Variants in CTIF observed in about 807,000 individuals in gnomAD.
CTIF encodes the protein CBP80/20-dependent translation initiation factor.
Under a neutral mutation model 66.0 loss-of-function variants are expected in CTIF, and 21 were observed. The ratio of observed to expected loss-of-function variants is 0.32; its 90% CI spans 0.23 to 0.46. CTIF has a LOEUF of 0.46. CTIF is among the 20% of genes least tolerant of loss of function. The pLI is 1.00. For synonymous variants in CTIF, 345 were observed against 326.4 expected, an observed-to-expected ratio of 1.06 and a Z score of -0.62; for missense variants, 739 against 812.7, an observed-to-expected ratio of 0.91 and a Z score of 1.10.
In CTIF at chr18:48,774,372, C is replaced by T. The variant is rs370391122; in HGVS notation, c.1371+12683C>T. 4.6e-5 allele frequency among the ~76,000 whole-genome samples: 7 copies of T among 152,146 alleles called. No individual in the cohort carries two copies. In the East Asian group the frequency reaches 1.2e-3, roughly 25 times the overall value. On this transcript the variant is annotated intron_variant, in intron 9 of 11. Transcript: ENST00000256413. ...TAGAATAAGGGGTCCCTGTACACCGCCAGAGTGCCTCACTGCCTCCCACCT... is the reference window on the plus strand; with the variant it reads ...TAGAATAAGGGGTCCCTGTACACCGTCAGAGTGCCTCACTGCCTCCCACCT...
At chr18:48,663,565 C>T (rs571090788) in intron 3 of CTIF, among the ~76,000 whole-genome samples, 187 bp from the exon 4 acceptor site, 1 of 152,122 alleles carries the variant, frequency 6.6e-6, no homozygotes, top group East Asian at 1.9e-4. Flanking sequence ...CTCAGTGAAA[C>T]GAGGGCCTAT....
At chr18:48,739,480 C>T (rs995087503) in intron 7 of CTIF, among the ~76,000 whole-genome samples, 35 of 152,220 alleles carry the variant, frequency 2.3e-4, no homozygotes, top group African/African-American at 7.7e-4. Context: ...CAGTACAAAC[C>T]CTGCTCTGGC....
intron 9 of CTIF, among the ~76,000 whole-genome samples, chr18:48,806,070 C>G (rs9966807): frequency 0.12 from 18,317 of 151,988 alleles, 1,145 homozygotes; most frequent in African/African-American, 0.17. Flanking sequence ...ATAGCAGAGT[C>G]GGAATGAGGA....
chr18:48,734,819 T>G (rs1568175531), intron 7 of CTIF, among the ~76,000 whole-genome samples: 1 of 152,116 alleles, frequency 6.6e-6, no homozygotes, highest in Non-Finnish European at 1.5e-5. Context: ...TGTGAATGCT[T>G]CTCGCAAGCC....
At chr18:48,621,249 A>T (rs1348399628) in intron 2 of CTIF, among the ~76,000 whole-genome samples, 1 of 134,226 alleles carries the variant, frequency 7.5e-6, no homozygotes, top group African/African-American at 2.7e-5. Context: ...AGGGGCTTGC[A>T]GTTTTAAGTA....
intron 9 of CTIF, among the ~76,000 whole-genome samples, chr18:48,791,121 A>G (rs549458366): frequency 6.6e-6 from 1 of 152,352 alleles, no homozygotes; most frequent in South Asian, 2.1e-4. Context: ...TCAGGCCCAG[A>G]GAGGGGTTGA....
At chr18:48,560,295 C>T (rs1288314895) in intron 1 of CTIF, among the ~76,000 whole-genome samples, 12 of 147,694 alleles carry the variant, frequency 8.1e-5, no homozygotes, top group African/African-American at 3.0e-4. Flanking sequence ...GGTGTGATCT[C>T]GGCTCACTGC....
At chr18:48,609,638 T>A (rs2090269867) in intron 1 of CTIF, among the ~76,000 whole-genome samples, 1 of 152,086 alleles carries the variant, frequency 6.6e-6, no homozygotes. Flanking sequence ...TCGGGACCCA[T>A]AAGCATGATG....
intron 6 of CTIF, among the ~76,000 whole-genome samples, chr18:48,684,499 T>C (rs1166437073): frequency 1.3e-5 from 2 of 152,232 alleles, no homozygotes; most frequent in Non-Finnish European, 2.9e-5. Flanking sequence ...TCTTTTTAAG[T>C]ATATCAATTC....
rs985520455 is a variant in CTIF, at chr18:48,860,193, A to AG, written c.*639dup. 5 of 346,148 alleles carry AG rather than the reference A, an allele frequency of 1.4e-5. No homozygotes were observed. The highest frequency in any genetic ancestry group is 7.6e-5 in the East Asian group (1 of 13,244). The allele number at this position is 346,148 out of a possible 1,614,324, so 21.4% of individuals were successfully genotyped here. ...CTGCAGCCCCCACAGCCTCAGGCCT[A>AG]GGGGGTCAGGCGCAGCGGGGGAGAT... On this transcript the variant is annotated 3_prime_UTR_variant, in exon 12 of 12. Coordinates refer to ENST00000256413, the MANE Select transcript of CTIF (RefSeq NM_014772.3).
chr18:48,664,358 T>G lies in CTIF; in HGVS notation c.327-89T>G, dbSNP rs949506721. The G allele has an allele frequency of 1.2e-4, 145 of 1,179,570 alleles. 1 individual carries two copies. The African/African-American group carries it at 1.9e-3, about 16-fold the overall frequency. 73.1% of individuals were successfully genotyped at this position (1,179,570 alleles called of 1,614,324 possible). A position where few individuals can be genotyped will look rare whatever the true frequency, so the allele number is the denominator to read the frequency against. ...TGGCGGCTCCTTTCTGCGGATCTGC[T>G]CTGCCAGGTTCAGCCTGGCCCCCTG... On this transcript the variant is annotated intron_variant, in intron 4 of 11. Coordinates refer to ENST00000256413, the MANE Select transcript of CTIF (RefSeq NM_014772.3).
chr18:48,578,850 A>G (rs2089592085), intron 1 of CTIF, among the ~76,000 whole-genome samples: 1 of 152,176 alleles, frequency 6.6e-6, no homozygotes, highest in African/African-American at 2.4e-5. Context: ...GGTGAAGTGC[A>G]ATTTATCTCT....
At chr18:48,804,760 C>T (rs900690366) in intron 9 of CTIF, among the ~76,000 whole-genome samples, 15 of 152,158 alleles carry the variant, frequency 9.9e-5, no homozygotes, top group African/African-American at 2.2e-4. Context: ...ACCCAGGACC[C>T]GGGCAATAAC....
Position 48,738,998 on chromosome 18 carries a change from C to T in CTIF, c.585-18921C>T, listed in dbSNP as rs1473398683. On this transcript the variant is annotated intron_variant, in intron 7 of 11. Transcript: ENST00000256413. ...CCCTCCTGAGACCAGACATAAGACA[C>T]CCCAGGAAGTCTTAGCCTCAGAGTC... Among the ~76,000 whole-genome samples the T allele has an allele frequency of 3.3e-5, 5 of 152,148 alleles. No homozygotes were observed. The East Asian group carries it at 9.6e-4, about 29-fold the overall frequency.
chr18:48,730,297 C>CCGAAGTG, intron 7 of CTIF, among the ~76,000 whole-genome samples: 1 of 146,854 alleles, frequency 6.8e-6, no homozygotes, highest in Admixed American at 6.7e-5. Flanking sequence ...TGAGGGGCCC[C>CCGAAGTG]TGAGGTGTGA....
At chr18:48,851,244 G>A (rs938996775) in intron 10 of CTIF, among the ~76,000 whole-genome samples, 4 of 152,246 alleles carry the variant, frequency 2.6e-5, no homozygotes, top group African/African-American at 9.6e-5. Context: ...AGGGAAGAAG[G>A]CATGGGAAGG....
intron 7 of CTIF, among the ~76,000 whole-genome samples, chr18:48,721,106 A>G (rs1319731209): frequency 6.6e-6 from 1 of 152,216 alleles, no homozygotes; most frequent in Non-Finnish European, 1.5e-5. Flanking sequence ...TGGAGAGCAG[A>G]GTACTACTCT....
intron 3 of CTIF, among the ~76,000 whole-genome samples, chr18:48,642,160 G>C (rs2090946043): frequency 6.6e-6 from 1 of 152,196 alleles, no homozygotes; most frequent in African/African-American, 2.4e-5. Flanking sequence ...CCTGCTGTGA[G>C]CCCAGCAGAT....
chr18:48,716,081 G>A lies in CTIF; in HGVS notation c.584+4386G>A, dbSNP rs556966018. Among the ~76,000 whole-genome samples the A allele has an allele frequency of 6.6e-5, 10 of 152,332 alleles. No individual in the cohort carries two copies. The East Asian group carries it at 1.7e-3, about 26-fold the overall frequency. ...TGTCTGCACAGCACTTCCAGCAGCC[G>A]GGAGGCAGTGCCCCGCTCCTGAATG... On this transcript the variant is annotated intron_variant, in intron 7 of 11. Transcript: ENST00000256413.
Sources: gnomAD v4.1 joint callset for allele counts (sites outside exome capture counted in the v4.1 genomes callset) on GRCh38, gnomAD v4.1.1 for gene constraint, MANE v1.5 for transcripts, NCBI Gene and HGNC (gene_info 2026-07-23, HGNC 2026-07-21) for gene names.